Variants in SLC2A1 observed in about 807,000 individuals in gnomAD.
The protein encoded by SLC2A1 is solute carrier family 2 member 1.
In SLC2A1, 4 loss-of-function variants were observed where a neutral mutation model predicts 46.6. The ratio of observed to expected loss-of-function variants is 0.09; its 90% CI spans 0.04 to 0.20. The LOEUF is 0.20. Among genes scored for constraint, SLC2A1 ranks in the 10% least tolerant of loss-of-function variants. The pLI is 1.00. For synonymous variants in SLC2A1, 253 were observed against 270.0 expected (o/e 0.94, Z 0.62); for missense variants, 352 against 667.0 (o/e 0.53, Z 5.20).
rs1477431861 is a variant in SLC2A1 at position 42,954,251 on chromosome 1, G to C, written c.18+4383C>G. ...AAACACAGCTAGGCCAGGCGCGGTGGCTCACACCTGTAATCCCAGCACTTT... is the reference window on the plus strand; with the variant it reads ...AAACACAGCTAGGCCAGGCGCGGTGCCTCACACCTGTAATCCCAGCACTTT... On this transcript the variant is annotated intron_variant, in intron 1 of 9. Transcript: ENST00000426263. This position sits in a 1 kb window ranked among gnomAD's most constrained non-coding sequence, Gnocchi z 4.2. Among the ~76,000 whole-genome samples the C allele has an allele frequency of 6.6e-6, 1 of 152,078 alleles. No individual in the cohort carries two copies.
At chr1:42,945,754 C>CCAAAAAAACAAACCA (rs1553157061) in intron 1 of SLC2A1, among the ~76,000 whole-genome samples, 1 of 141,104 alleles carries the variant, frequency 7.1e-6, no homozygotes, top group Non-Finnish European at 1.5e-5. Flanking sequence ...AAAAAAAAAA[C>CCAAAAAAACAAACCA]AAAAAACAAA....
chr1:42,948,529 G>GGCTCAAAGGAGTGGGGTCCACA lies in SLC2A1; in HGVS notation c.19-5209_19-5208insTGTGGACCCCACTCCTTTGAGC, dbSNP rs1553157253. ...AGGGCTTTCCAACTGCTTAGTCCACGGCTCAAAGGAGTGGGGGAGGGGTTT... is the reference window on the plus strand; with the variant it reads ...AGGGCTTTCCAACTGCTTAGTCCACGGCTCAAAGGAGTGGGGTCCACAGCTCAAAGGAGTGGGGGAGGGGTTT... On this transcript the variant is annotated intron_variant, in intron 1 of 9. Coordinates refer to ENST00000426263, the MANE Select transcript of SLC2A1 (RefSeq NM_006516.4). Among the ~76,000 whole-genome samples, 15 of 152,084 alleles carry GGCTCAAAGGAGTGGGGTCCACA rather than the reference G, an allele frequency of 9.9e-5. No individual in the cohort carries two copies. In the East Asian group the frequency reaches 2.7e-3, roughly 28 times the overall value.
At chr1:42,949,970 A>T (rs1643703298) in intron 1 of SLC2A1, among the ~76,000 whole-genome samples, 2 of 152,172 alleles carry the variant, frequency 1.3e-5, no homozygotes, top group South Asian at 4.1e-4. Flanking sequence ...CAAATTCCAT[A>T]AAAGCAACTC....
intron 2 of SLC2A1, among the ~76,000 whole-genome samples, chr1:42,939,960 A>G (rs1643580060): frequency 6.6e-6 from 1 of 151,196 alleles, no homozygotes; most frequent in Non-Finnish European, 1.5e-5. Context: ...CTCAAAAAAA[A>G]AAAAAAAAAA....
chr1:42,950,079 T>A (rs1017014361), intron 1 of SLC2A1, among the ~76,000 whole-genome samples: 2 of 152,170 alleles, frequency 1.3e-5, no homozygotes, highest in African/African-American at 4.8e-5. Flanking sequence ...GTTGGCAAAC[T>A]ATGGCAGCTA....
At position 42,929,539 on chromosome 1, in the gene SLC2A1, C is replaced by A. The variant is rs1445604360; in HGVS notation, c.867+54G>T. 6.5e-7 allele frequency: 1 copy of A among 1,531,376 alleles called. No individual in the cohort carries two copies. The highest frequency in any genetic ancestry group is 9.0e-7 in the Non-Finnish European group (1 of 1,108,724). The allele number at this position is 1,531,376 out of a possible 1,614,324, so 94.9% of individuals were successfully genotyped here. A position where few individuals can be genotyped will look rare whatever the true frequency, so the allele number is the denominator to read the frequency against. On this transcript the variant is annotated intron_variant, in intron 6 of 9. Coordinates refer to ENST00000426263, the MANE Select transcript of SLC2A1 (RefSeq NM_006516.4). The surrounding 1 kb of genome is among the most constrained non-coding windows in gnomAD (Gnocchi z 6.0). ...AAGTTTGGGACTTGTTCACCATGCA[C>A]ACTTGACCAGAGGGCTTGGCTGGGG...
chr1:42,948,133 G>A (rs1358633475), intron 1 of SLC2A1, among the ~76,000 whole-genome samples: 1 of 151,652 alleles, frequency 6.6e-6, no homozygotes, highest in Non-Finnish European at 1.5e-5. Context: ...CTATCCCACC[G>A]CTGGGGGTCT....
intron 2 of SLC2A1, among the ~76,000 whole-genome samples, chr1:42,936,830 C>T (rs994180757): frequency 1.3e-5 from 2 of 152,136 alleles, no homozygotes; most frequent in East Asian, 1.9e-4. Context: ...GCCTAATCAC[C>T]TTTCAGAACA....
At chr1:42,939,212 TTTC>T (rs1281459084) in intron 2 of SLC2A1, among the ~76,000 whole-genome samples, 3 of 152,246 alleles carry the variant, frequency 2.0e-5, no homozygotes, top group Admixed American at 2.0e-4. Flanking sequence ...CTCACTTTCA[TTTC>T]TTCTTCTTGG....
chr1:42,927,267 T>C lies in SLC2A1; in HGVS notation c.1279-26A>G. 1 of 1,609,894 alleles carries C rather than the reference T, an allele frequency of 6.2e-7. No homozygotes were observed. ...CTGAAAGACACACAGACACACTTGG[T>C]TGGAGTCATGACCCTACATCCTGGC... is the stretch of plus-strand genomic sequence containing the variant. On this transcript the variant is annotated intron_variant, in intron 9 of 9. Coordinates refer to ENST00000426263, the MANE Select transcript of SLC2A1 (RefSeq NM_006516.4). The surrounding 1 kb of genome is among the most constrained non-coding windows in gnomAD (Gnocchi z 5.3).
intron 2 of SLC2A1, among the ~76,000 whole-genome samples, chr1:42,937,765 T>G (rs903031435): frequency 3.3e-5 from 5 of 152,162 alleles, no homozygotes; most frequent in African/African-American, 1.2e-4. Context: ...TTTATGGTAG[T>G]GGTGACGGGT....
intron 1 of SLC2A1, 71 bp from the exon 2 acceptor site, chr1:42,943,392 G>A (rs1374177271): frequency 1.8e-6 from 2 of 1,126,738 alleles, no homozygotes; most frequent in Non-Finnish European, 2.6e-6. Context: ...GGCCTGGACT[G>A]GCAAGTTTCT....
rs2124444901 is a variant in SLC2A1, at chr1:42,926,786, A to G, written c.*255T>C. 1 of 1,472,776 alleles carries G rather than the reference A, an allele frequency of 6.8e-7. No homozygotes were observed. Among genetic ancestry groups the G allele is most frequent in the South Asian group, 1.2e-5 (1 of 80,492 alleles). The allele number at this position is 1,472,776 out of a possible 1,614,324, so 91.2% of individuals were successfully genotyped here. ...GGAGACTCAGGCTGATATAAAAATA[A>G]CAAAATCAGTAATAAAAAAATTATA... On this transcript the variant is annotated 3_prime_UTR_variant, in exon 10 of 10. Coordinates refer to ENST00000426263, the MANE Select transcript of SLC2A1 (RefSeq NM_006516.4).
rs57247989 is a variant in SLC2A1, at chr1:42,948,699, C to T, written c.19-5378G>A. On this transcript the variant is annotated intron_variant, in intron 1 of 9. Transcript: ENST00000426263. ...ATCCCAGCACTCTGGTAGGCCGAGG[C>T]GGGCGGATTGGTTAAGGCCAGGAGT... 7.0e-4 allele frequency among the ~76,000 whole-genome samples: 106 copies of T among 151,966 alleles called. 1 individual carries two copies. In the East Asian group the frequency reaches 0.016, roughly 23 times the overall value.
Position 42,927,019 on chromosome 1 carries a change from C to T in SLC2A1, c.*22G>A, listed in dbSNP as rs2229683. The T allele has an allele frequency of 7.2e-4, 1,154 of 1,611,682 alleles. 2 individuals are homozygous for T. Among genetic ancestry groups the T allele is most frequent in the African/African-American group, 9.3e-4 (70 of 74,980 alleles). The stretch of plus-strand genomic sequence containing the variant: ...ATCCTTAGGGCTGCTGGGAGCAGGC[C>T]GGGCTGGTGATCTGGGGCGACTCAC... On this transcript the variant is annotated 3_prime_UTR_variant, in exon 10 of 10. Transcript: ENST00000426263. This position sits in a 1 kb window ranked among gnomAD's most constrained non-coding sequence, Gnocchi z 5.3.
rs117168331 is a variant in SLC2A1 at position 42,947,731 on chromosome 1, C to T, written c.19-4410G>A. On this transcript the variant is annotated intron_variant, in intron 1 of 9. Transcript: ENST00000426263. ...AGTGAGATAAAAAAAAGGAATGGAACCTGGGTCATACCGTGTCTGCAGCCA... is the reference window on the plus strand; with the variant it reads ...AGTGAGATAAAAAAAAGGAATGGAATCTGGGTCATACCGTGTCTGCAGCCA... Among the ~76,000 whole-genome samples the T allele has an allele frequency of 6.6e-4, 100 of 152,100 alleles. 1 individual carries two copies. The East Asian group carries it at 0.015, about 23-fold the overall frequency.
chr1:42,932,241 G>A (rs1020559783), intron 2 of SLC2A1, among the ~76,000 whole-genome samples: 26 of 152,076 alleles, frequency 1.7e-4, no homozygotes, highest in Admixed American at 1.3e-3. Flanking sequence ...GGAAACGCCC[G>A]TCCTAGGGCA....
At chr1:42,939,524 C>A (rs1364532166) in intron 2 of SLC2A1, among the ~76,000 whole-genome samples, 1 of 152,188 alleles carries the variant, frequency 6.6e-6, no homozygotes, top group Non-Finnish European at 1.5e-5. Context: ...GCTGACCAGC[C>A]CCGTGATGCC....
chr1:42,929,846 G>T lies in SLC2A1; in HGVS notation c.679+27C>A. 1 of 1,614,162 alleles carries T rather than the reference G, an allele frequency of 6.2e-7. No individual in the cohort carries two copies. Among genetic ancestry groups the T allele is most frequent in the Non-Finnish European group, 8.5e-7 (1 of 1,179,994 alleles). ...GAAGAAGGCCAGGGCTCAGGGAGTG[G>T]GGAGGAGGGCAGGGCCATGCCCGTA... On this transcript the variant is annotated intron_variant, in intron 5 of 9. Coordinates refer to ENST00000426263, the MANE Select transcript of SLC2A1 (RefSeq NM_006516.4). This position sits in a 1 kb window ranked among gnomAD's most constrained non-coding sequence, Gnocchi z 6.0.
Sources: allele counts gnomAD v4.1 joint callset (sites outside exome capture counted in the v4.1 genomes callset), GRCh38; gene constraint gnomAD v4.1.1; non-coding constraint Gnocchi (gnomAD v3.1); transcripts MANE v1.5; gene names NCBI Gene and HGNC (gene_info 2026-07-23, HGNC 2026-07-21).